The following LRFN5 variants were observed in gnomAD, a reference collection of about 807,000 sequenced individuals.
The protein encoded by LRFN5 is leucine rich repeat and fibronectin type III domain containing 5, also known as leucine-rich repeat and fibronectin type-III domain-containing protein 5.
In LRFN5, 24 loss-of-function variants were observed where a neutral mutation model predicts 45.6. That is an observed-to-expected ratio of 0.53 (90% CI 0.38 to 0.74). LRFN5 has a LOEUF of 0.74. Among genes scored for constraint, LRFN5 ranks in the 30% least tolerant of loss-of-function variants. The pLI is 0.00. For synonymous variants in LRFN5, 340 were observed against 313.8 expected (o/e 1.08, Z -0.88); for missense variants, 776 against 861.5 (o/e 0.90, Z 1.24).
intron 1 of LRFN5, among the ~76,000 whole-genome samples, chr14:41,708,269 A>G (rs1242481211): frequency 1.3e-5 from 2 of 152,002 alleles, no homozygotes; most frequent in South Asian, 2.1e-4. Context: ...AATGCCAAGT[A>G]CACATTATCC....
intron 2 of LRFN5, among the ~76,000 whole-genome samples, chr14:41,859,156 C>T (rs1266260228): frequency 2.0e-5 from 3 of 152,170 alleles, no homozygotes; most frequent in African/African-American, 4.8e-5. Context: ...AACAAGCTGA[C>T]ATCATTCCTG....
At chr14:41,903,293 G>T (rs553105968) in intron 5 of LRFN5, among the ~76,000 whole-genome samples, 1 of 151,036 alleles carries the variant, frequency 6.6e-6, no homozygotes, top group Admixed American at 6.6e-5. Context: ...TTTTAATATA[G>T]AATACTAAAT....
chr14:41,745,354 A>G (rs1362405441), intron 1 of LRFN5, among the ~76,000 whole-genome samples: 1 of 152,192 alleles, frequency 6.6e-6, no homozygotes, highest in East Asian at 1.9e-4. Context: ...ATCATAATAT[A>G]TCAAAACTTA....
intron 2 of LRFN5, among the ~76,000 whole-genome samples, chr14:41,870,521 A>C (rs536926428): frequency 2.0e-5 from 3 of 152,078 alleles, no homozygotes; most frequent in South Asian, 4.2e-4. Flanking sequence ...GTGCAGGGGA[A>C]CTCCCCTTTA....
At chr14:41,848,214 C>T (rs1321200932) in intron 2 of LRFN5, among the ~76,000 whole-genome samples, 1 of 151,986 alleles carries the variant, frequency 6.6e-6, no homozygotes, top group Non-Finnish European at 1.5e-5. Flanking sequence ...GTATTCACAT[C>T]ACGCAAAATA....
chr14:41,807,852 A>C (rs192139901), intron 2 of LRFN5, among the ~76,000 whole-genome samples: 83 of 152,108 alleles, frequency 5.5e-4, no homozygotes, highest in African/African-American at 2.0e-3. Context: ...TAATTTGGGA[A>C]GTTAGATATT....
chr14:41,797,691 A>G (rs975428401), intron 2 of LRFN5, among the ~76,000 whole-genome samples: 8 of 151,692 alleles, frequency 5.3e-5, no homozygotes, highest in African/African-American at 1.4e-4. Flanking sequence ...ATGTATGTAT[A>G]TATGTATGCA....
intron 2 of LRFN5, among the ~76,000 whole-genome samples, chr14:41,884,291 A>G (rs538766058): frequency 1.3e-5 from 2 of 152,146 alleles, no homozygotes; most frequent in Non-Finnish European, 2.9e-5. Flanking sequence ...TGTTTTATAT[A>G]TTTTTGTAAT....
intron 2 of LRFN5, among the ~76,000 whole-genome samples, chr14:41,828,498 AAATC>A (rs1333430772): frequency 4.6e-5 from 7 of 152,144 alleles, no homozygotes; most frequent in African/African-American, 1.7e-4. Flanking sequence ...AAGCACATCC[AAATC>A]AACATGTTTA....
intron 2 of LRFN5, among the ~76,000 whole-genome samples, chr14:41,789,729 A>G (rs1406630532): frequency 6.6e-6 from 1 of 151,964 alleles, no homozygotes; most frequent in African/African-American, 2.4e-5. Context: ...GTTCTTTTCT[A>G]ATTTTAATTT....
chr14:41,745,027 C>T lies in LRFN5; in HGVS notation c.-196-21827C>T, dbSNP rs1884865135. 3.9e-5 allele frequency among the ~76,000 whole-genome samples: 6 copies of T among 151,976 alleles called. No homozygotes were observed. The South Asian group carries it at 1.2e-3, about 32-fold the overall frequency. ...GATTTAATGAACAAAATAAGACAAC[C>T]GGACCTAACAGATACACAGAACACT... On this transcript the variant is annotated intron_variant, in intron 1 of 5. Transcript: ENST00000298119.
intron 1 of LRFN5, among the ~76,000 whole-genome samples, chr14:41,654,593 A>G (rs950518584): frequency 4.6e-5 from 7 of 152,046 alleles, no homozygotes; most frequent in Non-Finnish European, 8.8e-5. Context: ...CCATGAACTA[A>G]AAGAATCCTG....
chr14:41,728,939 A>G (rs73307213), intron 1 of LRFN5, among the ~76,000 whole-genome samples: 6,826 of 152,064 alleles, frequency 0.045, 342 homozygotes, highest in African/African-American at 0.12. Flanking sequence ...ATCCATTTTT[A>G]TTTAAAAACG....
chr14:41,754,231 T>TC (rs376633821), intron 1 of LRFN5, among the ~76,000 whole-genome samples: 114,857 of 151,402 alleles, frequency 0.76, 43,958 homozygotes, highest in East Asian at 0.97. Context: ...TTCTCTTTTT[T>TC]TGTTGTGTCT....
intron 1 of LRFN5, among the ~76,000 whole-genome samples, chr14:41,690,250 TAAAG>T (rs1347868289): frequency 6.6e-6 from 1 of 151,818 alleles, no homozygotes; most frequent in Non-Finnish European, 1.5e-5. Context: ...CAAAAGTAAA[TAAAG>T]AAATAAACAT....
chr14:41,793,037 T>C (rs1468151747), intron 2 of LRFN5, among the ~76,000 whole-genome samples: 1 of 150,924 alleles, frequency 6.6e-6, no homozygotes, highest in Admixed American at 6.6e-5. Context: ...TTGGGAGATA[T>C]ACCTAATGCT....
intron 2 of LRFN5, among the ~76,000 whole-genome samples, chr14:41,881,888 C>A (rs1266541139): frequency 2.6e-5 from 4 of 152,180 alleles, no homozygotes; most frequent in East Asian, 1.9e-4. Flanking sequence ...TCTTTTCCTG[C>A]AGATACGTTA....
intron 1 of LRFN5, among the ~76,000 whole-genome samples, chr14:41,685,321 G>GT (rs201119650): frequency 1.0e-3 from 159 of 151,956 alleles, no homozygotes; most frequent in Non-Finnish European, 1.7e-3. Context: ...AAGGAAATCA[G>GT]TTTTTTTTGA....
At chr14:41,714,679 G>T (rs1175994946) in intron 1 of LRFN5, among the ~76,000 whole-genome samples, 2 of 152,114 alleles carry the variant, frequency 1.3e-5, no homozygotes, top group Admixed American at 6.5e-5. Flanking sequence ...GCCAAGGCAG[G>T]CAAATTGCTT....
Sources: gnomAD v4.1 joint callset for allele counts (sites outside exome capture counted in the v4.1 genomes callset) on GRCh38, gnomAD v4.1.1 for gene constraint, MANE v1.5 for transcripts, NCBI Gene and HGNC (gene_info 2026-07-23, HGNC 2026-07-21) for gene names.